The following ZNF761 variants were observed in gnomAD, a reference collection of about 807,000 sequenced individuals.
ZNF761 encodes zinc finger protein 761.
A neutral mutation model predicts 59.9 loss-of-function variants in ZNF761; 43 were observed. The observed-to-expected ratio is 0.72, with a 90% CI of 0.56 to 0.92. The LOEUF is 0.92. Among genes scored for constraint, ZNF761 ranks in the 40% least tolerant of loss-of-function variants. ZNF761 has a pLI of 0.00. For synonymous variants in ZNF761, 294 were observed against 304.8 expected (o/e 0.96, Z 0.37); for missense variants, 850 against 906.1 (o/e 0.94, Z 0.79).
At chr19:53,444,615 A>G (rs570290559) in intron 1 of ZNF761, 1 of 152,348 alleles carries the variant, frequency 6.6e-6, no homozygotes, top group Admixed American at 6.5e-5. Context: ...ACCAGTGCCG[A>G]TGCGGGTCCT....
intron 2 of ZNF761, among the ~76,000 whole-genome samples, 161 bp downstream of exon 2, chr19:53,446,498 C>T (rs927175821): frequency 1.1e-4 from 16 of 152,150 alleles, no homozygotes; most frequent in Admixed American, 4.6e-4. Context: ...GCCTCCACTT[C>T]CTGAGTAGCT....
At chr19:53,444,580 C>G (rs939119405) in intron 1 of ZNF761, 4 of 152,186 alleles carry the variant, frequency 2.6e-5, no homozygotes, top group African/African-American at 9.7e-5. Flanking sequence ...AGAGAGTGAT[C>G]AATAAATACT....
At chr19:53,433,461 C>CAGCGTTATCTTGTAACTGTTATCT (rs1482125258) in intron 1 of ZNF761, among the ~76,000 whole-genome samples, 1 of 143,490 alleles carries the variant, frequency 7.0e-6, no homozygotes, top group African/African-American at 2.7e-5. Context: ...TCGACTTCGC[C>CAGCGTTATCTTGTAACTGTTATCT]AAGTCGAGCT....
intron 1 of ZNF761, among the ~76,000 whole-genome samples, chr19:53,437,037 A>G (rs940819082): frequency 6.6e-5 from 10 of 152,020 alleles, no homozygotes; most frequent in African/African-American, 2.4e-4. Flanking sequence ...CACTTTCGTG[A>G]CCCAGCGCAG....
chr19:53,450,979 C>T (rs1011901457), intron 4 of ZNF761, among the ~76,000 whole-genome samples: 4 of 144,212 alleles, frequency 2.8e-5, no homozygotes, highest in Non-Finnish European at 4.5e-5. Context: ...GGCGATAGCA[C>T]GAGACTCTGT....
At position 53,436,290 on chromosome 19, in the gene ZNF761, G is replaced by T. The variant is rs560010330; in HGVS notation, c.-185+4262G>T. Among the ~76,000 whole-genome samples the T allele has an allele frequency of 6.2e-4, 94 of 152,296 alleles. 2 individuals carry two copies. The highest frequency in any genetic ancestry group is 2.1e-3 in the African/African-American group (86 of 41,570). On this transcript the variant is annotated intron_variant, in intron 1 of 4. Coordinates refer to ENST00000684525, the MANE Select transcript of ZNF761 (RefSeq NM_001289951.2). ...CTAAACAGAGTCTCCATGTTGAAAGGGGTGTACTTGATCTGTCAGACTTAT... is the reference window on the plus strand; with the variant it reads ...CTAAACAGAGTCTCCATGTTGAAAGTGGTGTACTTGATCTGTCAGACTTAT...
At chr19:53,432,233 T>C (rs1654361629) in intron 1 of ZNF761, among the ~76,000 whole-genome samples, 1 of 152,164 alleles carries the variant, frequency 6.6e-6, no homozygotes. Context: ...CGGGTGTTTC[T>C]GCTACAGGGC....
chr19:53,437,020 G>T (rs2086049655), intron 1 of ZNF761, among the ~76,000 whole-genome samples: 1 of 152,082 alleles, frequency 6.6e-6, no homozygotes, highest in South Asian at 2.1e-4. Context: ...ACGGCACATA[G>T]AAATGGCACT....
At chr19:53,439,431 G>C (rs930232169) in intron 1 of ZNF761, among the ~76,000 whole-genome samples, 1 of 151,900 alleles carries the variant, frequency 6.6e-6, no homozygotes, top group Non-Finnish European at 1.5e-5. Flanking sequence ...TCAGCCTCCC[G>C]AATAGGTGGG....
intron 1 of ZNF761, chr19:53,443,849 T>G (rs2086126037): frequency 1.3e-5 from 2 of 152,476 alleles, no homozygotes; most frequent in Non-Finnish European, 2.9e-5. Flanking sequence ...AACTCCATTT[T>G]GTTCTGTACT....
chr19:53,442,086 A>G (rs1269289365), intron 1 of ZNF761: 7 of 971,834 alleles, frequency 7.2e-6, no homozygotes, highest in Admixed American at 1.9e-5. Context: ...ACTGCCCTGC[A>G]AAAGCTGGAA....
chr19:53,455,628 G>C lies in ZNF761; in HGVS notation c.1121G>C (p.Arg374Thr). ...SHKSSLTCHH[R>T]LHTGEKPYKC... Reference sequence around the variant, plus strand: ...AAGTCATCCCTTACATGCCATCATAGACTTCATACTGGAGAGAAACCCTAC... The same window carrying C: ...AAGTCATCCCTTACATGCCATCATACACTTCATACTGGAGAGAAACCCTAC... The change falls in exon 5 of 5, where the codon AGA becomes ACA. Residue 374 changes from arginine to threonine, a missense_variant. Coordinates refer to ENST00000684525, the MANE Select transcript of ZNF761 (RefSeq NM_001289951.2). 2.5e-6 allele frequency: 4 copies of C among 1,613,600 alleles called. No individual in the cohort carries two copies. Among genetic ancestry groups the C allele is most frequent in the Non-Finnish European group, 3.4e-6 (4 of 1,179,938 alleles).
rs540208370 is a variant in ZNF761 at position 53,452,767 on chromosome 19, C to G, written c.143-1883C>G. Among the ~76,000 whole-genome samples, 1,482 of 152,294 alleles carry G rather than the reference C, an allele frequency of 9.7e-3. 6 individuals are homozygous for G. The highest frequency in any genetic ancestry group is 0.016 in the Non-Finnish European group (1,109 of 68,014). ...GAACAGGCAACGAGCTCTTTAATAT[C>G]TCTTTTTATGAAAGCACAAGTCCTA... On this transcript the variant is annotated intron_variant, in intron 4 of 4. Transcript: ENST00000684525.
At chr19:53,438,900 C>T (rs1199477424) in intron 1 of ZNF761, among the ~76,000 whole-genome samples, 3 of 152,294 alleles carry the variant, frequency 2.0e-5, no homozygotes, top group East Asian at 1.9e-4. Context: ...AAAGAAAGCT[C>T]GTCTATGTAC....
At position 53,457,539 on chromosome 19, in the gene ZNF761, A is replaced by G; in HGVS notation, c.*791A>G. 3.0e-6 allele frequency: 1 copy of G among 338,966 alleles called. No individual in the cohort carries two copies. Among genetic ancestry groups the G allele is most frequent in the Non-Finnish European group, 5.8e-6 (1 of 171,020 alleles). 21.0% of individuals were successfully genotyped at this position (338,966 alleles called of 1,614,324 possible). Reference sequence around the variant, plus strand: ...TCAGTCTGAGTTCACTCCTTGCAGAATATGAGAAAATTCATTTTGGAGGTA... The same window carrying G: ...TCAGTCTGAGTTCACTCCTTGCAGAGTATGAGAAAATTCATTTTGGAGGTA... On this transcript the variant is annotated 3_prime_UTR_variant, in exon 5 of 5. Transcript: ENST00000684525.
rs1321455454 is a variant in ZNF761 at position 53,455,318 on chromosome 19, A to G, written c.811A>G (p.Lys271Glu). 1 of 1,614,218 alleles carries G rather than the reference A, an allele frequency of 6.2e-7. No individual in the cohort carries two copies. The highest frequency in any genetic ancestry group is 1.7e-5 in the Admixed American group (1 of 60,030). ...ATGTCACACTGGTGAGAATCCTTAC[A>G]AGTGTAATGAGTGTGGCAAGACCTT... ...RRCHTGENPYKCNECGKTFSQ... is the reference protein window; with the variant it reads ...RRCHTGENPYECNECGKTFSQ... The change falls in exon 5 of 5, where the codon AAG (lysine) becomes GAG (glutamate). Residue 271 changes from lysine (K) to glutamate (E), a missense_variant. Lys to Glu is a moderately conservative substitution (Grantham distance 56). Transcript: ENST00000684525.
At position 53,432,807 on chromosome 19, in the gene ZNF761, AAGC is replaced by A. The variant is rs1352773279; in HGVS notation, c.-185+782_-185+784del. On this transcript the variant is annotated intron_variant, in intron 1 of 4. Transcript: ENST00000684525. The stretch of plus-strand genomic sequence containing the variant: ...CAAAAGTGAAAAGAAAACGATAAGA[AAGC>A]AGGAGGAGAAAAGCAAGTGCAGAAA... 1.2e-4 allele frequency among the ~76,000 whole-genome samples: 19 copies of A among 152,202 alleles called. 1 individual carries two copies. In the East Asian group the frequency reaches 3.1e-3, roughly 25 times the overall value.
At chr19:53,452,199 T>A (rs536187452) in intron 4 of ZNF761, among the ~76,000 whole-genome samples, 1 of 152,106 alleles carries the variant, frequency 6.6e-6, no homozygotes, top group African/African-American at 2.4e-5. Context: ...ATACAAGAAA[T>A]TGGCCAGTTG....
At position 53,457,162 on chromosome 19, in the gene ZNF761, G is replaced by A; in HGVS notation, c.*414G>A. 1 of 510,982 alleles carries A rather than the reference G, an allele frequency of 2.0e-6. No homozygotes were observed. The highest frequency in any genetic ancestry group is 3.9e-6 in the Non-Finnish European group (1 of 257,844). 31.7% of individuals were successfully genotyped at this position (510,982 alleles called of 1,614,324 possible). On this transcript the variant is annotated 3_prime_UTR_variant, in exon 5 of 5. Coordinates refer to ENST00000684525, the MANE Select transcript of ZNF761 (RefSeq NM_001289951.2). ...CATGGTGTAGGGAAACTTTACTAAG[G>A]TAATGATTGTCACAAAGTCTTCAGT...
Sources: allele counts gnomAD v4.1 joint callset (sites outside exome capture counted in the v4.1 genomes callset), GRCh38; gene constraint gnomAD v4.1.1; transcripts MANE v1.5; gene names NCBI Gene and HGNC (gene_info 2026-07-23, HGNC 2026-07-21).